Variants in MYBBP1A observed in about 807,000 individuals in gnomAD.
MYBBP1A encodes MYB binding protein 1a.
In MYBBP1A, 147 loss-of-function variants were observed where a neutral mutation model predicts 136.3. That is an observed-to-expected ratio of 1.08 (90% CI 0.94 to 1.24). The LOEUF (loss-of-function observed/expected upper bound fraction) is 1.24. MYBBP1A is among the 50% of genes most tolerant of loss of function. MYBBP1A has a pLI of 0.00. For missense variants in MYBBP1A, 2,060 were observed against 1,727.4 expected, an observed-to-expected ratio of 1.19 and a Z score of -3.41; for synonymous variants, 947 against 735.8, an observed-to-expected ratio of 1.29 and a Z score of -4.65.
At position 4,544,481 on chromosome 17, in the gene MYBBP1A, G is replaced by A. The variant is rs373614648; in HGVS notation, c.2639+8C>T. ...CCACACCTGCCCGCCCTGCACCCCC[G>A]TGCTCACGTGAAGATGCGCGCCGTC... On this transcript the variant is annotated splice_region_variant and intron_variant, in intron 19 of 25. Coordinates refer to ENST00000254718, the MANE Select transcript of MYBBP1A (RefSeq NM_014520.4). 1.2e-3 allele frequency: 1,917 copies of A among 1,547,220 alleles called. 1 individual carries two copies. Among genetic ancestry groups the A allele is most frequent in the Middle Eastern group, 1.5e-3 (8 of 5,182 alleles).
intron 13 of MYBBP1A, among the ~76,000 whole-genome samples, chr17:4,546,367 T>C (rs9898687): frequency 0.37 from 55,853 of 152,002 alleles, 12,321 homozygotes; most frequent in African/African-American, 0.61. Flanking sequence ...TCCACCCCCT[T>C]GCCCCCCTTG....
chr17:4,554,757 T>A (rs939006115), intron 2 of MYBBP1A, 104 bp downstream of exon 2: 16 of 1,130,040 alleles, frequency 1.4e-5, no homozygotes, highest in Non-Finnish European at 2.0e-5. Context: ...CCGACCTCTC[T>A]CTCGGGCTGC....
chr17:4,544,841 A>G lies in MYBBP1A; in HGVS notation c.2391T>C (p.Phe797=), dbSNP rs774416802. The change falls in exon 18 of 26, where the codon TTT becomes TTC. Residue 797 remains phenylalanine (F), a synonymous_variant. Transcript: ENST00000254718. ...MALDQSLASL[F]AEQKLRIQAR... ...CCTGGATACGCAGCTTCTGCTCGGC[A>G]AAGAGGCTGGCGAGGCTCTGGTCCA... The G allele has an allele frequency of 9.9e-6, 16 of 1,608,292 alleles. No individual in the cohort carries two copies. Among genetic ancestry groups the G allele is most frequent in the African/African-American group, 1.3e-5 (1 of 74,818 alleles).
chr17:4,539,813 G>T lies in MYBBP1A; in HGVS notation c.3589C>A (p.Pro1197Thr), dbSNP rs748450121. 6.2e-7 allele frequency: 1 copy of T among 1,611,722 alleles called. No individual in the cohort carries two copies. Among genetic ancestry groups the T allele is most frequent in the African/African-American group, 1.3e-5 (1 of 75,006 alleles). ...GGCTGGCTCCCGCCGGTGGCTGCAGGTGTGCCATCCTCCGCTGGCGTGCCA... is the reference window on the plus strand; with the variant it reads ...GGCTGGCTCCCGCCGGTGGCTGCAGTTGTGCCATCCTCCGCTGGCGTGCCA... ...EDGTPAEDGT[P>T]AATGGSQPPS... Residue 1197 changes from proline (P) to threonine (T), a missense_variant, in exon 26 of 26, where the codon CCT becomes ACT. Coordinates refer to ENST00000254718, the MANE Select transcript of MYBBP1A (RefSeq NM_014520.4).
At chr17:4,544,996 G>GCCCCCC in intron 17 of MYBBP1A, 30 bp downstream of exon 17, 1 of 697,890 alleles carries the variant, frequency 1.4e-6, no homozygotes, top group Non-Finnish European at 2.0e-6. Context: ...GCCCTCCCCG[G>GCCCCCC]CCGCCCCCCC....
intron 2 of MYBBP1A, 123 bp downstream of exon 2, chr17:4,554,738 C>T: frequency 1.1e-6 from 1 of 937,482 alleles, no homozygotes; most frequent in Admixed American, 2.3e-5. Context: ...CCAGTCTGCT[C>T]TGCCACTCCC....
rs1007061892 is a variant in MYBBP1A at position 4,539,276 on chromosome 17, C to A, written c.*139G>T. The A allele has an allele frequency of 1.4e-5, 21 of 1,490,970 alleles. No individual in the cohort carries two copies. The highest frequency in any genetic ancestry group is 1.6e-5 in the Non-Finnish European group (18 of 1,131,762). 92.4% of individuals were successfully genotyped at this position (1,490,970 alleles called of 1,614,324 possible). A position where few individuals can be genotyped will look rare whatever the true frequency, so the allele number is the denominator to read the frequency against. ...TGCTTGCCAGAGCAGGATGCCCGGG[C>A]AGGCGGCAACAGCCACCCTCCCCAG... On this transcript the variant is annotated 3_prime_UTR_variant, in exon 26 of 26. Coordinates refer to ENST00000254718, the MANE Select transcript of MYBBP1A (RefSeq NM_014520.4).
chr17:4,544,683 GGC>G (rs755316136), intron 18 of MYBBP1A, 37 bp from the exon 19 acceptor site: 1 of 1,454,608 alleles, frequency 6.9e-7, no homozygotes, highest in African/African-American at 1.7e-5. Context: ...CACGGGGGTG[GGC>G]GCACAGGGAG....
intron 25 of MYBBP1A, 93 bp downstream of exon 25, chr17:4,540,255 G>T: frequency 6.9e-7 from 1 of 1,459,534 alleles, no homozygotes; most frequent in South Asian, 1.3e-5. Flanking sequence ...GTGTGCGTGT[G>T]CAGCAGCGTG....
At position 4,545,150 on chromosome 17, in the gene MYBBP1A, T is replaced by C. The variant is rs1033539112; in HGVS notation, c.2186A>G (p.Asn729Ser). 5.6e-6 allele frequency: 9 copies of C among 1,613,364 alleles called. No homozygotes were observed. Among genetic ancestry groups the C allele is most frequent in the Non-Finnish European group, 7.6e-6 (9 of 1,179,958 alleles). Residue 729 changes from asparagine (N) to serine (S), a missense_variant, in exon 17 of 26, where the codon AAC (asparagine) becomes AGC (serine). Asn to Ser is a conservative substitution (Grantham distance 46, BLOSUM62 1). Transcript: ENST00000254718. ...AEDKSEEGED[N>S]RSSESEEESE... ...CTCCTCTTCACTCTCTGAGCTTCTGTTGTCCTCACCTTCCTCGCTCTTGTC... is the reference window on the plus strand; with the variant it reads ...CTCCTCTTCACTCTCTGAGCTTCTGCTGTCCTCACCTTCCTCGCTCTTGTC...
In MYBBP1A at chr17:4,548,123, T is replaced by G; in HGVS notation, c.1724+20A>C. The G allele has an allele frequency of 6.2e-7, 1 of 1,604,014 alleles. No individual in the cohort carries two copies. Among genetic ancestry groups the G allele is most frequent in the Non-Finnish European group, 8.5e-7 (1 of 1,179,562 alleles). ...AGACTGCAGCGTCCTGCCCACCCCC[T>G]GGAAATCCCACGTGCTCACCGGTCC... On this transcript the variant is annotated intron_variant, in intron 12 of 25. Transcript: ENST00000254718. The surrounding 1 kb of genome is among the most constrained non-coding windows in gnomAD (Gnocchi z 4.2).
chr17:4,546,405 G>A (rs1307376291), intron 13 of MYBBP1A, among the ~76,000 whole-genome samples: 4 of 152,116 alleles, frequency 2.6e-5, no homozygotes, highest in Non-Finnish European at 5.9e-5. Context: ...GATTGCAGGT[G>A]TGAGCCCCCG....
Position 4,545,081 on chromosome 17 carries a change from A to C in MYBBP1A, c.2255T>G (p.Val752Gly). 6.4e-7 allele frequency: 1 copy of C among 1,568,912 alleles called. No individual in the cohort carries two copies. The highest frequency in any genetic ancestry group is 8.6e-7 in the Non-Finnish European group (1 of 1,160,850). The change falls in exon 17 of 26, where the codon GTG becomes GGG. Residue 752 changes from valine (V) to glycine (G), a missense_variant. Coordinates refer to ENST00000254718, the MANE Select transcript of MYBBP1A (RefSeq NM_014520.4). ...CAGCTGTTCCCGGAAGCCCTGATCC[A>C]CGTCCCCGTCGCGCTCCTCCTCCTC... ...ESEEEERDGDVDQGFREQLMT... is the reference protein window; with the variant it reads ...ESEEEERDGDGDQGFREQLMT...
chr17:4,548,628 G>T lies in MYBBP1A; in HGVS notation c.1452C>A (p.Phe484Leu), dbSNP rs1907221542. The T allele has an allele frequency of 1.2e-6, 2 of 1,614,186 alleles. No homozygotes were observed. Among genetic ancestry groups the T allele is most frequent in the Middle Eastern group, 1.6e-4 (1 of 6,062 alleles). The change falls in exon 11 of 26, where the codon TTC (phenylalanine) becomes TTA (leucine). Residue 484 changes from phenylalanine to leucine, a missense_variant. Physicochemically the swap from Phe to Leu is conservative, Grantham distance 22 (BLOSUM62 0). Transcript: ENST00000254718. The surrounding 1 kb of genome is among the most constrained non-coding windows in gnomAD (Gnocchi z 4.2). ...GGGATGTGGGCTTCTTTGTGACAAA[G>T]AACGAGTGGAACAAACAAAACCTGG... Reference protein sequence around the residue: ...QVARFCLFHSFFVTKKPTSQI... With the variant: ...QVARFCLFHSLFVTKKPTSQI...
At chr17:4,544,399 T>C (rs1478952133) in intron 19 of MYBBP1A, 90 bp downstream of exon 19, 4 of 1,501,800 alleles carry the variant, frequency 2.7e-6, no homozygotes, top group Admixed American at 2.0e-5. Flanking sequence ...GGCTCTCTCC[T>C]TCCTGTGCAG....
chr17:4,543,228 G>A (rs569800701), intron 19 of MYBBP1A, 63 bp from the exon 20 acceptor site: 2 of 1,513,564 alleles, frequency 1.3e-6, no homozygotes, highest in Admixed American at 4.1e-5. Flanking sequence ...CCGCCAAGCA[G>A]AGCCAACCCA....
At position 4,552,262 on chromosome 17, in the gene MYBBP1A, G is replaced by A. The variant is rs781262042; in HGVS notation, c.768C>T (p.Ser256=). ...RLVNVLKMAA[S]SVKKDRKLPA... ...GCAGCTTGCGGTCCTTCTTCACAGA[G>A]GAGGCGGCCATCTTCAGCACATTCA... is the stretch of plus-strand genomic sequence containing the variant. The change falls in exon 7 of 26, where the codon TCC becomes TCT. Residue 256 remains serine (S), a synonymous_variant. Coordinates refer to ENST00000254718, the MANE Select transcript of MYBBP1A (RefSeq NM_014520.4). This position sits in a 1 kb window ranked among gnomAD's most constrained non-coding sequence, Gnocchi z 4.7. The A allele has an allele frequency of 3.1e-6, 5 of 1,614,162 alleles. No individual in the cohort carries two copies. In the East Asian group the frequency reaches 8.9e-5, roughly 29 times the overall value.
rs1156310889 is a variant in MYBBP1A at position 4,542,470 on chromosome 17, A to G, written c.3081T>C (p.Arg1027=). ...VQHITGPVRP[R]HQACLLLQKT... Reference sequence around the variant, plus strand: ...GAGCTGGGAAGTCTCTCACCTGATGACGGGGCCGCACCGGGCCCGTGATAT... The same window carrying G: ...GAGCTGGGAAGTCTCTCACCTGATGGCGGGGCCGCACCGGGCCCGTGATAT... The change falls in exon 22 of 26, where the codon CGT becomes CGC. Residue 1027 remains arginine (R), a synonymous_variant. Coordinates refer to ENST00000254718, the MANE Select transcript of MYBBP1A (RefSeq NM_014520.4). 2.5e-6 allele frequency: 4 copies of G among 1,607,916 alleles called. No homozygotes were observed. The East Asian group carries it at 9.0e-5, about 36-fold the overall frequency.
intron 17 of MYBBP1A, 34 bp from the exon 18 acceptor site, chr17:4,544,955 T>A: frequency 6.3e-7 from 1 of 1,575,488 alleles, no homozygotes; most frequent in South Asian, 1.2e-5. Flanking sequence ...CAGCCAGGCC[T>A]CGGGCAGGCA....
Sources: gnomAD v4.1 joint callset for allele counts (sites outside exome capture counted in the v4.1 genomes callset) on GRCh38, gnomAD v4.1.1 for gene constraint, Gnocchi (gnomAD v3.1) non-coding constraint, MANE v1.5 for transcripts, NCBI Gene and HGNC (gene_info 2026-07-23, HGNC 2026-07-21) for gene names.